FNBP1: variants seen among roughly 807,000 people sequenced by gnomAD.
The protein encoded by FNBP1 is formin binding protein 1.
FNBP1 carries 26 observed loss-of-function variants against 90.6 expected under a neutral mutation model. The observed-to-expected ratio is 0.29, with a 90% CI of 0.21 to 0.40. The LOEUF is 0.40. Among genes scored for constraint, FNBP1 ranks in the 10% least tolerant of loss-of-function variants. The probability of loss-of-function intolerance (pLI) is 1.00; values close to 1 mark genes in which losing one functional copy is unlikely to be tolerated. For missense variants in FNBP1, 635 were observed against 768.0 expected (o/e 0.83, Z 2.05); for synonymous variants, 260 against 265.2 (o/e 0.98, Z 0.19).
chr9:130,050,239 G>T, the FNBP1 span, among the ~76,000 whole-genome samples: 1 of 152,202 alleles, frequency 6.6e-6, no homozygotes, highest in Non-Finnish European at 1.5e-5. Context: ...ACTCCATGGT[G>T]AGTGAAATGC....
At chr9:129,933,012 T>A (rs1486068938) in intron 6 of FNBP1, among the ~76,000 whole-genome samples, 1 of 152,190 alleles carries the variant, frequency 6.6e-6, no homozygotes, top group African/African-American at 2.4e-5. Context: ...AAACAGTCTC[T>A]ATTTTATTCA....
intron 2 of FNBP1, among the ~76,000 whole-genome samples, chr9:129,988,437 G>A (rs1392825519): frequency 1.3e-5 from 2 of 152,118 alleles, no homozygotes; most frequent in Non-Finnish European, 2.9e-5. Context: ...CCAGCACTTT[G>A]GGAGGCCGAG....
intron 1 of FNBP1, among the ~76,000 whole-genome samples, chr9:130,000,522 A>G (rs1488180963): frequency 6.6e-6 from 1 of 152,160 alleles, no homozygotes; most frequent in African/African-American, 2.4e-5. Context: ...AAAAGAAAAA[A>G]AGAAAATATT....
chr9:130,022,025 C>A (rs1321105148), intron 1 of FNBP1, among the ~76,000 whole-genome samples: 1 of 152,080 alleles, frequency 6.6e-6, no homozygotes, highest in African/African-American at 2.4e-5. Context: ...CCATGCCTGG[C>A]TAACTTGTAT....
Position 130,041,004 on chromosome 9 carries a change from C to CT in FNBP1, c.24+1947dup, listed in dbSNP as rs71387303. ...TTTTTTCTTTTTTCTTTTTTCTTTT[C>CT]TTTTTTTTTTTTTTAAGAGGAGGCC... On this transcript the variant is annotated intron_variant, in intron 1 of 16. Transcript: ENST00000446176. The surrounding 1 kb of genome is among the most constrained non-coding windows in gnomAD (Gnocchi z 4.3). 0.25 allele frequency among the ~76,000 whole-genome samples: 34,188 copies of CT among 134,620 alleles called. 4,409 individuals carry two copies. The highest frequency in any genetic ancestry group is 0.31 in the Non-Finnish European group (19,791 of 63,908). 88.3% of individuals were successfully genotyped at this position (134,620 alleles called of 152,430 possible). A position where few individuals can be genotyped will look rare whatever the true frequency, so the allele number is the denominator to read the frequency against.
chr9:130,027,307 C>T (rs1483074609), intron 1 of FNBP1, among the ~76,000 whole-genome samples: 2 of 152,160 alleles, frequency 1.3e-5, no homozygotes, highest in African/African-American at 2.4e-5. Flanking sequence ...AATGTCTTCA[C>T]ATCAGAGCTT....
chr9:129,895,315 A>G, intron 16 of FNBP1: 1 of 1,061,966 alleles, frequency 9.4e-7, no homozygotes, highest in Non-Finnish European at 1.1e-6. Context: ...AGGAGATGTT[A>G]TTTCACTTGT....
At chr9:129,958,604 AACCC>A in intron 4 of FNBP1, 51 bp from the exon 5 acceptor site, 1 of 1,404,962 alleles carries the variant, frequency 7.1e-7, no homozygotes, top group South Asian at 1.2e-5. Flanking sequence ...TTCTCTTATG[AACCC>A]AGGAGGAAAC....
chr9:129,923,993 G>A lies in FNBP1; in HGVS notation c.1021C>T (p.Pro341Ser). ...GAGGCAGAGGCAGGAGGGGGAGGGGGAGGCTGATGGGGGGATGTTAAAAGG... is the reference window on the plus strand; with the variant it reads ...GAGGCAGAGGCAGGAGGGGGAGGGGAAGGCTGATGGGGGGATGTTAAAAGG... ...MSLLTSPHQP[P>S]PPPPASASPS... is the part of the protein sequence containing the mutation. Residue 341 changes from proline to serine, a missense_variant, in exon 10 of 17, where the codon CCC (proline) becomes TCC (serine). Coordinates refer to ENST00000446176, the MANE Select transcript of FNBP1 (RefSeq NM_015033.3). 1 of 1,442,244 alleles carries A rather than the reference G, an allele frequency of 6.9e-7. No individual in the cohort carries two copies. The highest frequency in any genetic ancestry group is 9.2e-7 in the Non-Finnish European group (1 of 1,082,362). 89.3% of individuals were successfully genotyped at this position (1,442,244 alleles called of 1,614,324 possible). A position where few individuals can be genotyped will look rare whatever the true frequency, so the allele number is the denominator to read the frequency against.
chr9:130,008,264 A>T lies in FNBP1; in HGVS notation c.25-13306T>A, dbSNP rs576552028. ...CTTGGGAGGCTGAGGTGGGAGGATG[A>T]CCTGGGCCTGGGGAGGTCGAGGCTG... On this transcript the variant is annotated intron_variant, in intron 1 of 16. Coordinates refer to ENST00000446176, the MANE Select transcript of FNBP1 (RefSeq NM_015033.3). Among the ~76,000 whole-genome samples the T allele has an allele frequency of 5.9e-5, 9 of 151,864 alleles. No individual in the cohort carries two copies. In the East Asian group the frequency reaches 1.7e-3, roughly 30 times the overall value.
intron 6 of FNBP1, among the ~76,000 whole-genome samples, chr9:129,949,333 ACATGGCATCCT>A (rs2045821132): frequency 6.6e-6 from 1 of 152,228 alleles, no homozygotes; most frequent in African/African-American, 2.4e-5. Flanking sequence ...CCTCTAAGGA[ACATGGCATCCT>A]CATGGCATCC....
intron 4 of FNBP1, among the ~76,000 whole-genome samples, chr9:129,967,509 G>A (rs2048801437): frequency 6.6e-6 from 1 of 151,952 alleles, no homozygotes; most frequent in African/African-American, 2.4e-5. Context: ...GTGAGACTCC[G>A]TCTCAGAAAA....
chr9:129,900,639 G>T lies in FNBP1; in HGVS notation c.1429-92C>A, dbSNP rs974197044. 1.3e-5 allele frequency: 16 copies of T among 1,271,852 alleles called. No individual in the cohort carries two copies. The highest frequency in any genetic ancestry group is 2.2e-5 in the South Asian group (1 of 45,550). 78.8% of individuals were successfully genotyped at this position (1,271,852 alleles called of 1,614,324 possible). A position where few individuals can be genotyped will look rare whatever the true frequency, so the allele number is the denominator to read the frequency against. ...GGTCCCAAAGGCCATCTGAGGGCCA[G>T]CCCGGAGCATCCTAAGGTCCCAAAC... On this transcript the variant is annotated intron_variant, in intron 13 of 16. Transcript: ENST00000446176. This position sits in a 1 kb window ranked among gnomAD's most constrained non-coding sequence, Gnocchi z 4.1.
intron 1 of FNBP1, among the ~76,000 whole-genome samples, chr9:130,025,510 T>C (rs923870699): frequency 6.6e-6 from 1 of 152,228 alleles, no homozygotes; most frequent in Non-Finnish European, 1.5e-5. Context: ...CAGATTACCT[T>C]GAAACACTTG....
chr9:129,944,121 A>C lies in FNBP1; in HGVS notation c.513+13239T>G, dbSNP rs1043655541. On this transcript the variant is annotated intron_variant, in intron 6 of 16. Transcript: ENST00000446176. ...TCTCTCTCCGTCTCATGCTTCTCTC[A>C]TCCTTCTCTCTCCAGTCTGCTAACT... 2.6e-5 allele frequency among the ~76,000 whole-genome samples: 4 copies of C among 151,546 alleles called. No individual in the cohort carries two copies. The East Asian group carries it at 7.8e-4, about 29-fold the overall frequency.
intron 1 of FNBP1, among the ~76,000 whole-genome samples, chr9:130,039,953 T>C (rs984751879): frequency 2.0e-5 from 3 of 152,190 alleles, no homozygotes; most frequent in South Asian, 2.1e-4. Flanking sequence ...ACCCAAACCA[T>C]AGCTCTTTCT....
intron 16 of FNBP1, among the ~76,000 whole-genome samples, chr9:129,893,612 CAAAA>C (rs1216398298): frequency 5.4e-4 from 12 of 22,314 alleles, no homozygotes; most frequent in African/African-American, 1.5e-3. Flanking sequence ...GACTCTGTCT[CAAAA>C]AAAAAAAAAA....
At chr9:129,919,118 G>C in intron 10 of FNBP1, 2 of 907,990 alleles carry the variant, frequency 2.2e-6, no homozygotes. Context: ...GTTAGTGGCT[G>C]TGCCATGACT....
At chr9:130,043,674 G>T (rs1013404703), upstream of FNBP1, among the ~76,000 whole-genome samples, 4 of 152,212 alleles carry the variant, frequency 2.6e-5, no homozygotes, top group African/African-American at 9.6e-5. Flanking sequence ...TGGGGCGGTG[G>T]TAACTGCGCG....
Sources: gnomAD v4.1 joint callset for allele counts (sites outside exome capture counted in the v4.1 genomes callset) on GRCh38, gnomAD v4.1.1 for gene constraint, Gnocchi (gnomAD v3.1) non-coding constraint, MANE v1.5 for transcripts, NCBI Gene and HGNC (gene_info 2026-07-23, HGNC 2026-07-21) for gene names.